TMEM117: variants seen among roughly 807,000 people sequenced by gnomAD.
TMEM117 encodes transmembrane protein 117.
TMEM117 carries 27 observed loss-of-function variants against 52.4 expected under a neutral mutation model. The observed-to-expected ratio is 0.51, with a 90% CI of 0.38 to 0.71. The LOEUF (loss-of-function observed/expected upper bound fraction) is 0.71, where lower values mean the gene tolerates loss of function less well. Ranked by LOEUF, TMEM117 falls within the 30% of genes least tolerant of loss-of-function variation. The probability of loss-of-function intolerance (pLI) is 0.00; values close to 1 mark genes in which losing one functional copy is unlikely to be tolerated. For missense variants in TMEM117, 556 were observed against 630.5 expected (o/e 0.88, Z 1.26); for synonymous variants, 215 against 206.3 (o/e 1.04, Z -0.36).
chr12:44,045,909 C>T (rs1176240578), intron 3 of TMEM117, among the ~76,000 whole-genome samples: 2 of 152,116 alleles, frequency 1.3e-5, no homozygotes, highest in Non-Finnish European at 2.9e-5. Flanking sequence ...CCTAAAGCAG[C>T]TGGATTGATA....
chr12:44,090,450 A>T (rs558550930), intron 3 of TMEM117, among the ~76,000 whole-genome samples: 1 of 117,166 alleles, frequency 8.5e-6, no homozygotes, highest in Non-Finnish European at 1.9e-5. Flanking sequence ...TTATTTATTT[A>T]TTTTGAGACT....
chr12:44,139,631 A>G (rs1948543034), intron 3 of TMEM117, among the ~76,000 whole-genome samples: 1 of 152,162 alleles, frequency 6.6e-6, no homozygotes, highest in Non-Finnish European at 1.5e-5. Flanking sequence ...GTAGAACTGC[A>G]AGATTTTCTA....
chr12:44,093,409 C>T (rs1024092045), intron 3 of TMEM117, among the ~76,000 whole-genome samples: 3 of 151,944 alleles, frequency 2.0e-5, no homozygotes, highest in African/African-American at 7.3e-5. Context: ...ACCTGTTTTG[C>T]GTATATAATT....
intron 2 of TMEM117, among the ~76,000 whole-genome samples, chr12:43,910,632 G>A (rs1478078996): frequency 6.6e-6 from 1 of 151,566 alleles, no homozygotes; most frequent in African/African-American, 2.4e-5. Flanking sequence ...CAGCTGATAA[G>A]CAACTTCAGC....
chr12:43,828,800 G>A, the TMEM117 span, among the ~76,000 whole-genome samples: 6 of 152,050 alleles, frequency 3.9e-5, no homozygotes, highest in Non-Finnish European at 8.8e-5. Context: ...CTGCTCTTGT[G>A]AATGGACCAC....
chr12:44,214,971 G>A (rs748064008), intron 5 of TMEM117, among the ~76,000 whole-genome samples: 23 of 152,206 alleles, frequency 1.5e-4, no homozygotes, highest in Admixed American at 2.6e-4. Context: ...AGCCCTAGGA[G>A]ATAAAATACA....
At chr12:44,392,750 A>G (rs1952167364), downstream of TMEM117, among the ~76,000 whole-genome samples, 1 of 137,892 alleles carries the variant, frequency 7.3e-6, no homozygotes, top group African/African-American at 2.7e-5. Flanking sequence ...TTCAGTTCCC[A>G]CCTATGAGTG....
intron 6 of TMEM117, among the ~76,000 whole-genome samples, chr12:44,340,505 G>A (rs1336038434): frequency 6.6e-6 from 1 of 152,046 alleles, no homozygotes; most frequent in African/African-American, 2.4e-5. Flanking sequence ...AACATCTGTG[G>A]TGCCTGCCTG....
intron 3 of TMEM117, among the ~76,000 whole-genome samples, chr12:43,983,512 C>T (rs1212610305): frequency 7.1e-6 from 1 of 141,442 alleles, no homozygotes; most frequent in African/African-American, 2.6e-5. Context: ...GCCATTACTT[C>T]CAGTGGCAAA....
chr12:44,068,512 AT>A (rs1011005642), intron 3 of TMEM117, among the ~76,000 whole-genome samples: 1 of 152,126 alleles, frequency 6.6e-6, no homozygotes, highest in Non-Finnish European at 1.5e-5. Context: ...TAATTTCACT[AT>A]TGTTGTGTCT....
chr12:43,937,357 A>AT (rs2137595732), intron 2 of TMEM117, among the ~76,000 whole-genome samples: 1 of 152,296 alleles, frequency 6.6e-6, no homozygotes, highest in Non-Finnish European at 1.5e-5. Context: ...CAGTGCTGTG[A>AT]TAGCAACTAA....
At chr12:44,180,253 CATCATT>C (rs1949174038) in intron 4 of TMEM117, among the ~76,000 whole-genome samples, 1 of 152,074 alleles carries the variant, frequency 6.6e-6, no homozygotes. Context: ...TCATCATCAT[CATCATT>C]AATATTCCCT....
chr12:44,310,389 A>C (rs969295588), intron 6 of TMEM117, among the ~76,000 whole-genome samples: 1 of 152,224 alleles, frequency 6.6e-6, no homozygotes, highest in African/African-American at 2.4e-5. Flanking sequence ...CTCTAATCCC[A>C]GCACTTTGGG....
At chr12:44,020,883 A>T (rs1186585099) in intron 3 of TMEM117, among the ~76,000 whole-genome samples, 1 of 152,220 alleles carries the variant, frequency 6.6e-6, no homozygotes, top group Non-Finnish European at 1.5e-5. Context: ...AGCAAATAAC[A>T]TATACCATGA....
At chr12:44,186,514 G>A (rs1844806346) in intron 4 of TMEM117, among the ~76,000 whole-genome samples, 1 of 152,166 alleles carries the variant, frequency 6.6e-6, no homozygotes, top group African/African-American at 2.4e-5. Context: ...CATATGTTGT[G>A]TCACACGTAA....
At chr12:43,846,153 C>G (rs1392790655) in intron 2 of TMEM117, among the ~76,000 whole-genome samples, 1 of 151,600 alleles carries the variant, frequency 6.6e-6, no homozygotes, top group Non-Finnish European at 1.5e-5. Flanking sequence ...CCTATCCAAC[C>G]AAAGAATAGT....
intron 6 of TMEM117, among the ~76,000 whole-genome samples, chr12:44,320,379 A>G (rs996218375): frequency 2.0e-5 from 3 of 152,184 alleles, no homozygotes; most frequent in African/African-American, 7.2e-5. Flanking sequence ...TTACTCCATT[A>G]TTCCAAAGTA....
At chr12:44,162,133 A>G (rs1948906298) in intron 4 of TMEM117, among the ~76,000 whole-genome samples, 1 of 152,200 alleles carries the variant, frequency 6.6e-6, no homozygotes, top group African/African-American at 2.4e-5. Context: ...CCCCAAAAAT[A>G]AAGATGATGA....
chr12:44,213,716 C>T (rs1464188568), intron 5 of TMEM117, among the ~76,000 whole-genome samples: 2 of 152,290 alleles, frequency 1.3e-5, no homozygotes, highest in African/African-American at 2.4e-5. Context: ...GGCTTTTCCA[C>T]GTTTGTTTGG....
Sources: gnomAD v4.1 joint callset for allele counts (sites outside exome capture counted in the v4.1 genomes callset) on GRCh38, gnomAD v4.1.1 for gene constraint, MANE v1.5 for transcripts, NCBI Gene and HGNC (gene_info 2026-07-23, HGNC 2026-07-21) for gene names.